DIAPH1: variants seen among roughly 807,000 people sequenced by gnomAD.
The protein encoded by DIAPH1 is protein diaphanous homolog 1.
A neutral mutation model predicts 140.7 loss-of-function variants in DIAPH1; 46 were observed. The ratio of observed to expected loss-of-function variants is 0.33; its 90% CI spans 0.26 to 0.42. The LOEUF (loss-of-function observed/expected upper bound fraction) is 0.42. Ranked by LOEUF, DIAPH1 falls within the 10% of genes least tolerant of loss-of-function variation. DIAPH1 has a pLI of 1.00. For missense variants in DIAPH1, 1,310 were observed against 1,558.7 expected (o/e 0.84, Z 2.69); for synonymous variants, 565 against 551.6 (o/e 1.02, Z -0.34).
chr5:141,577,358 C>T, intron 12 of DIAPH1, 117 bp downstream of exon 12: 3 of 817,368 alleles, frequency 3.7e-6, no homozygotes, highest in Admixed American at 1.7e-5. Flanking sequence ...CTAATGAACC[C>T]TAATCTTGGG....
chr5:141,574,471 T>A (rs1412053785), intron 15 of DIAPH1, among the ~76,000 whole-genome samples: 1 of 152,174 alleles, frequency 6.6e-6, no homozygotes, highest in Middle Eastern at 3.2e-3. Context: ...CCTCCCTTGA[T>A]TAGAAAATGT....
At chr5:141,588,200 A>C in intron 2 of DIAPH1, 24 bp downstream of exon 2, 1 of 1,601,062 alleles carries the variant, frequency 6.2e-7, no homozygotes, top group Admixed American at 1.7e-5. Flanking sequence ...TAGAACATGC[A>C]CATGCTAAAC....
At chr5:141,575,323 C>T (rs572872288) in intron 14 of DIAPH1, among the ~76,000 whole-genome samples, 177 bp from the exon 15 acceptor site, 35 of 152,116 alleles carry the variant, frequency 2.3e-4, no homozygotes, top group African/African-American at 8.2e-4. Context: ...AGGCCATGCT[C>T]GGGGGAAAAA....
chr5:141,573,762 C>T lies in DIAPH1; in HGVS notation c.2088G>A (p.Gly696=), dbSNP rs1168480050. ...RIPPPPPPLP[G]SAGIPPPPPP... ...GAGGTGGGGGGGGAATTCCAGCACTCCCAGGCAAAGGAGGTGGTGGTGGGG... is the reference window on the plus strand; with the variant it reads ...GAGGTGGGGGGGGAATTCCAGCACTTCCAGGCAAAGGAGGTGGTGGTGGGG... Residue 696 remains glycine, a synonymous_variant, in exon 16 of 28, where the codon GGG becomes GGA. Transcript: ENST00000389054. The T allele has an allele frequency of 2.6e-6, 4 of 1,516,050 alleles. No homozygotes were observed. The East Asian group carries it at 7.0e-5, about 27-fold the overall frequency. 93.9% of individuals were successfully genotyped at this position (1,516,050 alleles called of 1,614,324 possible). A position where few individuals can be genotyped will look rare whatever the true frequency, so the allele number is the denominator to read the frequency against.
At chr5:141,542,512 C>T (rs2099890155) in intron 18 of DIAPH1, among the ~76,000 whole-genome samples, 1 of 151,940 alleles carries the variant, frequency 6.6e-6, no homozygotes, top group Non-Finnish European at 1.5e-5. Context: ...GAATATTATT[C>T]TGCCATAAAA....
At chr5:141,536,205 C>T (rs751377712) in intron 18 of DIAPH1, 84 of 287,830 alleles carry the variant, frequency 2.9e-4, no homozygotes, top group Middle Eastern at 1.3e-3. Context: ...AGGAGGTTGA[C>T]GTGGGAAAAT....
At chr5:141,604,838 T>G (rs763454733) in intron 1 of DIAPH1, among the ~76,000 whole-genome samples, 2 of 152,166 alleles carry the variant, frequency 1.3e-5, no homozygotes, top group East Asian at 3.8e-4. Flanking sequence ...AAATATTTTT[T>G]GGCCCGGTAC....
intron 15 of DIAPH1, 134 bp from the exon 16 acceptor site, chr5:141,574,342 G>T: frequency 3.4e-6 from 3 of 880,340 alleles, no homozygotes; most frequent in South Asian, 1.6e-5. Context: ...TCAGAGAGAT[G>T]ACATGATCAC....
chr5:141,568,579 C>T (rs1026770710), intron 18 of DIAPH1, among the ~76,000 whole-genome samples: 8 of 152,080 alleles, frequency 5.3e-5, no homozygotes, highest in Admixed American at 5.2e-4. Context: ...TATTCTAGGA[C>T]CAGTTCCTGT....
intron 19 of DIAPH1, among the ~76,000 whole-genome samples, chr5:141,531,385 T>C (rs1200580028): frequency 4.6e-5 from 7 of 152,072 alleles, no homozygotes; most frequent in Admixed American, 1.3e-4. Flanking sequence ...TCATAGCTCA[T>C]GGCAGCCTGG....
chr5:141,516,955 T>G lies in DIAPH1; in HGVS notation c.3715A>C (p.Lys1239Gln). 1 of 1,614,218 alleles carries G rather than the reference T, an allele frequency of 6.2e-7. No homozygotes were observed. The highest frequency in any genetic ancestry group is 2.2e-5 in the East Asian group (1 of 44,882). The change falls in exon 28 of 28, where the codon AAG (lysine) becomes CAG (glutamine). Residue 1239 changes from lysine (K) to glutamine (Q), a missense_variant. Around this residue, in one of 3 missense-constraint regions of DIAPH1, gnomAD observed 344 missense variants for 512.2 expected, o/e 0.67. Transcript: ENST00000389054. ...GGAACAGCAGCCATGGCATCATCCTTGGTCAGCTCCGAAGCTAGCAGAGAT... is the reference window on the plus strand; with the variant it reads ...GGAACAGCAGCCATGGCATCATCCTGGGTCAGCTCCGAAGCTAGCAGAGAT... ...VTSLLASELT[K>Q]DDAMAAVPAK...
chr5:141,549,346 A>G (rs1269931555), intron 18 of DIAPH1, among the ~76,000 whole-genome samples: 1 of 152,178 alleles, frequency 6.6e-6, no homozygotes, highest in Non-Finnish European at 1.5e-5. Flanking sequence ...GGAAAATATA[A>G]TAATTCTAAA....
chr5:141,573,824 G>T lies in DIAPH1; in HGVS notation c.2026C>A (p.Pro676Thr). The T allele has an allele frequency of 6.6e-7, 1 of 1,515,660 alleles. No individual in the cohort carries two copies. The highest frequency in any genetic ancestry group is 8.9e-7 in the Non-Finnish European group (1 of 1,126,950). The allele number at this position is 1,515,660 out of a possible 1,614,324, so 93.9% of individuals were successfully genotyped here. ...CTCCCAGGCAAAGGAGGAGGTGGGG[G>T]GATGGCAGTACCTCCAGGCAAAGAA... ...PSSLPGGTAI[P>T]PPPPLPGSAR... Residue 676 changes from proline to threonine, a missense_variant, in exon 16 of 28, where the codon CCC (proline) becomes ACC (threonine). Physicochemically the swap from Pro to Thr is conservative, Grantham distance 38 (BLOSUM62 -1). Coordinates refer to ENST00000389054, the MANE Select transcript of DIAPH1 (RefSeq NM_005219.5).
intron 18 of DIAPH1, among the ~76,000 whole-genome samples, chr5:141,566,148 G>A (rs1408669713): frequency 6.6e-6 from 1 of 152,164 alleles, no homozygotes; most frequent in Non-Finnish European, 1.5e-5. Flanking sequence ...AGGCCTGTTG[G>A]GGTCAGGATA....
intron 1 of DIAPH1, 78 bp from the exon 2 acceptor site, chr5:141,588,328 G>T: frequency 9.2e-7 from 1 of 1,090,140 alleles, no homozygotes; most frequent in Non-Finnish European, 1.4e-6. Flanking sequence ...ACACCAGACG[G>T]GTTGGGGAAA....
chr5:141,583,139 T>G, intron 6 of DIAPH1, 67 bp downstream of exon 6: 2 of 1,375,742 alleles, frequency 1.5e-6, no homozygotes, highest in South Asian at 2.3e-5. Flanking sequence ...ACTTTCTCCT[T>G]CAGAGCAAAT....
chr5:141,547,616 A>C (rs1188012845), intron 18 of DIAPH1, among the ~76,000 whole-genome samples: 7 of 152,198 alleles, frequency 4.6e-5, no homozygotes, highest in Non-Finnish European at 1.0e-4. Context: ...ATCCAAACTA[A>C]AAGCACAGAG....
intron 3 of DIAPH1, among the ~76,000 whole-genome samples, chr5:141,585,044 T>A (rs1311336262): frequency 1.3e-5 from 2 of 151,732 alleles, no homozygotes; most frequent in African/African-American, 4.8e-5. Context: ...AACCTCCACC[T>A]CCCAGATTCA....
rs148812514 is a variant in DIAPH1, at chr5:141,552,534, A to C, written c.2483-18101T>G. On this transcript the variant is annotated intron_variant, in intron 18 of 27. Transcript: ENST00000389054. ...TAGACATTGGAAAAGGAAAGGAAAT[A>C]GATTCTTCTTTAGAGCCTCCAGAAG... 2.3e-3 allele frequency among the ~76,000 whole-genome samples: 345 copies of C among 152,318 alleles called. 2 individuals are homozygous for C. Among genetic ancestry groups the C allele is most frequent in the African/African-American group, 7.8e-3 (323 of 41,564 alleles).
Sources: allele counts gnomAD v4.1 joint callset (sites outside exome capture counted in the v4.1 genomes callset), GRCh38; gene constraint gnomAD v4.1.1; regional missense constraint gnomAD v4.1.1; transcripts MANE v1.5; gene names NCBI Gene and HGNC (gene_info 2026-07-23, HGNC 2026-07-21).